THAP10: variants seen among roughly 807,000 people sequenced by gnomAD.
THAP10 encodes the protein THAP domain-containing protein 10.
Under a neutral mutation model 15.7 loss-of-function variants are expected in THAP10, and 10 were observed. That is an observed-to-expected ratio of 0.64 (90% confidence interval 0.39 to 1.08). The LOEUF (loss-of-function observed/expected upper bound fraction) is 1.08, where lower values mean the gene tolerates loss of function less well. Among genes scored for constraint, THAP10 ranks in the 50% least tolerant of loss-of-function variants. The probability of loss-of-function intolerance (pLI) is 0.01; values close to 1 mark genes in which losing one functional copy is unlikely to be tolerated. For missense variants in THAP10, 310 were observed against 330.9 expected (o/e 0.94, Z 0.49); for synonymous variants, 127 against 129.1 (o/e 0.98, Z 0.11).
Position 70,882,442 on chromosome 15 carries a change from G to A in THAP10, c.*12C>T, listed in dbSNP as rs775801004. 8 of 1,596,480 alleles carry A rather than the reference G, an allele frequency of 5.0e-6. No individual in the cohort carries two copies. The South Asian group carries it at 7.8e-5, about 16-fold the overall frequency. ...AAATCTATAGCACATCAGAGCATTT[G>A]ATGTTGAGTTTTTAACATGTTTCTT... is the stretch of plus-strand genomic sequence containing the variant. On this transcript the variant is annotated 3_prime_UTR_variant, in exon 3 of 3. Coordinates refer to ENST00000249861, the MANE Select transcript of THAP10 (RefSeq NM_020147.4).
chr15:70,885,293 AATGGG>A (rs1342623050), intron 1 of THAP10, among the ~76,000 whole-genome samples: 1 of 152,190 alleles, frequency 6.6e-6, no homozygotes, highest in Non-Finnish European at 1.5e-5. Flanking sequence ...TATAACATAA[AATGGG>A]GCAGACGCAA....
intron 1 of THAP10, among the ~76,000 whole-genome samples, chr15:70,884,629 C>A (rs945359201): frequency 6.6e-6 from 1 of 152,022 alleles, no homozygotes; most frequent in Admixed American, 6.5e-5. Flanking sequence ...GGTTTATCTC[C>A]ACGTTTATTA....
At chr15:70,883,004 T>A in intron 1 of THAP10, 96 bp from the exon 2 acceptor site, 1 of 1,299,282 alleles carries the variant, frequency 7.7e-7, no homozygotes, top group Admixed American at 2.2e-5. Flanking sequence ...TAGCTGAAAA[T>A]TTTCAGTCAC....
In THAP10 at chr15:70,887,986, G is replaced by T. The variant is rs1272147027; in HGVS notation, c.429+3858C>A. Among the ~76,000 whole-genome samples, 3 of 152,190 alleles carry T rather than the reference G, an allele frequency of 2.0e-5. No individual in the cohort carries two copies. The East Asian group carries it at 5.8e-4, about 29-fold the overall frequency. ...ATAGCTGTGAATAAATCTAATGAAA[G>T]ATATGTAAGACCTCTACATCAAATG... On this transcript the variant is annotated intron_variant, in intron 1 of 2. Coordinates refer to ENST00000249861, the MANE Select transcript of THAP10 (RefSeq NM_020147.4).
chr15:70,892,405 C>T lies in THAP10; in HGVS notation c.-133G>A, dbSNP rs1216450622. ...CTCCGGGTCGGGATTGTTTCCTTCC[C>T]TACCTCTGGTCACCGGAAGTGGCGA... is the stretch of plus-strand genomic sequence containing the variant. On this transcript the variant is annotated 5_prime_UTR_variant, in exon 1 of 3. Coordinates refer to ENST00000249861, the MANE Select transcript of THAP10 (RefSeq NM_020147.4). The T allele has an allele frequency of 6.5e-7, 1 of 1,541,016 alleles. No individual in the cohort carries two copies. The highest frequency in any genetic ancestry group is 8.7e-7 in the Non-Finnish European group (1 of 1,146,546).
chr15:70,887,731 G>A (rs1382350175), intron 1 of THAP10, among the ~76,000 whole-genome samples: 2 of 152,064 alleles, frequency 1.3e-5, no homozygotes, highest in African/African-American at 4.8e-5. Flanking sequence ...CACTGTACTG[G>A]ACATTCAAGC....
intron 1 of THAP10, among the ~76,000 whole-genome samples, chr15:70,884,066 G>A (rs774924050): frequency 4.6e-5 from 7 of 151,996 alleles, no homozygotes; most frequent in Non-Finnish European, 1.0e-4. Context: ...TGTGGAAGAC[G>A]GTAAGAAAAG....
rs2033405823 is a variant in THAP10 at position 70,886,289 on chromosome 15, C to G, written c.430-3381G>C. On this transcript the variant is annotated intron_variant, in intron 1 of 2. Transcript: ENST00000249861. ...GCAAAAGGTATTCCACAAAATATCTCTAACATAGCCCCCTCTCAGGACCCA... is the reference window on the plus strand; with the variant it reads ...GCAAAAGGTATTCCACAAAATATCTGTAACATAGCCCCCTCTCAGGACCCA... 1.3e-5 allele frequency among the ~76,000 whole-genome samples: 2 copies of G among 152,076 alleles called. 1 individual carries two copies. The highest frequency in any genetic ancestry group is 4.1e-4 in the South Asian group (2 of 4,820).
intron 1 of THAP10, among the ~76,000 whole-genome samples, chr15:70,884,065 C>T (rs115741713): frequency 9.2e-5 from 14 of 151,800 alleles, no homozygotes; most frequent in Non-Finnish European, 1.9e-4. Context: ...ATGTGGAAGA[C>T]GGTAAGAAAA....
intron 1 of THAP10, among the ~76,000 whole-genome samples, chr15:70,888,623 C>T (rs1384638052): frequency 6.6e-6 from 1 of 152,006 alleles, no homozygotes; most frequent in Non-Finnish European, 1.5e-5. Flanking sequence ...GTAATTTGGA[C>T]TACATCAGAA....
At chr15:70,891,191 G>A (rs931416183) in intron 1 of THAP10, among the ~76,000 whole-genome samples, 3 of 152,232 alleles carry the variant, frequency 2.0e-5, no homozygotes, top group African/African-American at 7.2e-5. Flanking sequence ...GAAGAAGGTA[G>A]TAGTAACCAG....
At position 70,881,839 on chromosome 15, in the gene THAP10, A is replaced by G. The variant is rs544191591; in HGVS notation, c.*615T>C. On this transcript the variant is annotated 3_prime_UTR_variant, in exon 3 of 3. Coordinates refer to ENST00000249861, the MANE Select transcript of THAP10 (RefSeq NM_020147.4). ...TTCATTAATAAGTTAATGTAAGTAT[A>G]TGAAAACTCTATCTCTAAATTGATT... is the stretch of plus-strand genomic sequence containing the variant. 88 of 152,392 alleles carry G rather than the reference A, an allele frequency of 5.8e-4. No individual in the cohort carries two copies. The highest frequency in any genetic ancestry group is 2.0e-3 in the African/African-American group (85 of 41,586). 9.4% of individuals were successfully genotyped at this position (152,392 alleles called of 1,614,324 possible). A position where few individuals can be genotyped will look rare whatever the true frequency, so the allele number is the denominator to read the frequency against.
chr15:70,891,862 C>T lies in THAP10; in HGVS notation c.411G>A (p.Lys137=). Residue 137 remains lysine, a synonymous_variant, in exon 1 of 3, where the codon AAG becomes AAA. Coordinates refer to ENST00000249861, the MANE Select transcript of THAP10 (RefSeq NM_020147.4). ...TCTTTACCTGTGAAGCTGCAGCCTG[C>T]TTCCCAGCTCGGGGGCGTGTACAGG... ...PVSCTRPRAG[K]QAAASQITCE... The T allele has an allele frequency of 6.2e-7, 1 of 1,600,516 alleles. No homozygotes were observed. Among genetic ancestry groups the T allele is most frequent in the Non-Finnish European group, 8.5e-7 (1 of 1,174,280 alleles).
At position 70,882,038 on chromosome 15, in the gene THAP10, T is replaced by C. The variant is rs1285576637; in HGVS notation, c.*416A>G. 6.3e-6 allele frequency: 1 copy of C among 158,754 alleles called. No homozygotes were observed. Among genetic ancestry groups the C allele is most frequent in the Non-Finnish European group, 1.4e-5 (1 of 72,096 alleles). 9.8% of individuals were successfully genotyped at this position (158,754 alleles called of 1,614,324 possible). ...TAGTGTCAGGCTTGGCTGTGCTCACTGTTACTGTGTTACTGCTCTATACTT... is the reference window on the plus strand; with the variant it reads ...TAGTGTCAGGCTTGGCTGTGCTCACCGTTACTGTGTTACTGCTCTATACTT... On this transcript the variant is annotated 3_prime_UTR_variant, in exon 3 of 3. Coordinates refer to ENST00000249861, the MANE Select transcript of THAP10 (RefSeq NM_020147.4).
intron 1 of THAP10, among the ~76,000 whole-genome samples, chr15:70,889,098 A>G (rs2033484506): frequency 6.6e-6 from 1 of 152,204 alleles, no homozygotes; most frequent in Admixed American, 6.5e-5. Context: ...ATATATCCTC[A>G]GAAATGTGTG....
In THAP10 at chr15:70,884,980, T is replaced by C. The variant is rs141913639; in HGVS notation, c.430-2072A>G. ...TAACCTAGTTTTCCCACTTATTTTA[T>C]ATATAATCTGTTATTAAATATTCTA... is the stretch of plus-strand genomic sequence containing the variant. On this transcript the variant is annotated intron_variant, in intron 1 of 2. Transcript: ENST00000249861. 3.0e-3 allele frequency among the ~76,000 whole-genome samples: 450 copies of C among 152,286 alleles called. 3 individuals carry two copies. Among genetic ancestry groups the C allele is most frequent in the African/African-American group, 0.01 (428 of 41,584 alleles).
chr15:70,882,978 AAGT>A (rs2033304993), intron 1 of THAP10, 70 bp from the exon 2 acceptor site: 1 of 1,531,924 alleles, frequency 6.5e-7, no homozygotes, highest in Non-Finnish European at 8.9e-7. Flanking sequence ...CAAAAGTTAC[AAGT>A]AGTAAGACAG....
At chr15:70,887,681 A>T (rs2033446766) in intron 1 of THAP10, among the ~76,000 whole-genome samples, 1 of 152,226 alleles carries the variant, frequency 6.6e-6, no homozygotes, top group African/African-American at 2.4e-5. Flanking sequence ...CTCTGAAATT[A>T]GGAATGAGAA....
rs776405603 is a variant in THAP10 at position 70,891,845 on chromosome 15, T to C, written c.428A>G (p.Gln143Arg). The C allele has an allele frequency of 3.2e-6, 5 of 1,585,530 alleles. No homozygotes were observed. In the South Asian group the frequency reaches 4.6e-5, roughly 15 times the overall value. The change falls in exon 1 of 3, where the codon CAG (glutamine) becomes CGG (arginine). Residue 143 changes from glutamine (Q) to arginine (R), a missense_variant and splice_region_variant. Physicochemically the swap from Gln to Arg is conservative, Grantham distance 43. Transcript: ENST00000249861. ...CAACCTTCGGTGGTCTCTCTTTACC[T>C]GTGAAGCTGCAGCCTGCTTCCCAGC... is the stretch of plus-strand genomic sequence containing the variant. ...PRAGKQAAAS[Q>R]ITCENELVQT...
Sources: gnomAD v4.1 joint callset for allele counts (sites outside exome capture counted in the v4.1 genomes callset) on GRCh38, gnomAD v4.1.1 for gene constraint, MANE v1.5 for transcripts, NCBI Gene and HGNC (gene_info 2026-07-23, HGNC 2026-07-21) for gene names.